CEP104: variants seen among roughly 807,000 people sequenced by gnomAD.
CEP104 encodes centrosomal protein of 104 kDa.
CEP104 carries 84 observed loss-of-function variants against 113.3 expected under a neutral mutation model. That is an observed-to-expected ratio of 0.74 (90% CI 0.62 to 0.89). The LOEUF is 0.89. Among genes scored for constraint, CEP104 ranks in the 40% least tolerant of loss-of-function variants. The pLI is 0.00. For synonymous variants in CEP104, 378 were observed against 421.7 expected (o/e 0.90, Z 1.27); for missense variants, 1,053 against 1,156.6 (o/e 0.91, Z 1.30).
intron 1 of CEP104, among the ~76,000 whole-genome samples, chr1:3,853,206 T>G (rs1477182150): frequency 6.6e-6 from 1 of 152,070 alleles, no homozygotes; most frequent in Non-Finnish European, 1.5e-5. Flanking sequence ...GCTAAATGAA[T>G]GTGTATGACC....
At chr1:3,837,063 A>T (rs1644328089) in intron 9 of CEP104, 1 of 549,918 alleles carries the variant, frequency 1.8e-6, no homozygotes, top group Non-Finnish European at 3.2e-6. Flanking sequence ...TATTGCTTAG[A>T]AATAAGCATC....
Position 3,847,565 on chromosome 1 carries a change from T to C in CEP104, c.336A>G (p.Glu112=). Residue 112 remains glutamate (E), a synonymous_variant, in exon 4 of 22, where the codon GAA becomes GAG. Transcript: ENST00000378230. ...DNEKTGCKAR[E]LKSVYVDAVG... The stretch of plus-strand genomic sequence containing the variant: ...CTGCATCCACATAAACTGATTTTAG[T>C]TCCCGGGCTTTGCAACCTGTCTTTT... 5 of 1,613,998 alleles carry C rather than the reference T, an allele frequency of 3.1e-6. 1 individual carries two copies. The South Asian group carries it at 5.5e-5, about 18-fold the overall frequency.
rs1372420896 is a variant in CEP104 at position 3,826,314 on chromosome 1, C to G, written c.2255+56G>C. Reference sequence around the variant, plus strand: ...AGGACGCATTCCCTTTCCAGGGTTTCTGTGTGGCTGGTTGCCCTGACCATC... The same window carrying G: ...AGGACGCATTCCCTTTCCAGGGTTTGTGTGTGGCTGGTTGCCCTGACCATC... On this transcript the variant is annotated intron_variant, in intron 17 of 21. Transcript: ENST00000378230. 4 of 1,486,518 alleles carry G rather than the reference C, an allele frequency of 2.7e-6. No homozygotes were observed. The African/African-American group carries it at 4.2e-5, about 15-fold the overall frequency. 92.1% of individuals were successfully genotyped at this position (1,486,518 alleles called of 1,614,324 possible).
At chr1:3,817,618 G>A (rs1338047254) in intron 20 of CEP104, among the ~76,000 whole-genome samples, 3 of 152,164 alleles carry the variant, frequency 2.0e-5, no homozygotes, top group African/African-American at 2.4e-5. Flanking sequence ...AAGCTGGGGC[G>A]CCTTCTCACC....
chr1:3,835,193 C>A, intron 10 of CEP104, 101 bp from the exon 11 acceptor site: 2 of 826,360 alleles, frequency 2.4e-6, no homozygotes, highest in Non-Finnish European at 3.5e-6. Context: ...TGATTCATTT[C>A]TAAGAACAGA....
rs34049022 is a variant in CEP104, at chr1:3,816,165, A to G, written c.2662+115T>C. ...ACATGAAGACAGGCTTGGATGCTTT[A>G]TTTTGCTTTTAAAGGGATGGGGTCT... On this transcript the variant is annotated intron_variant, in intron 21 of 21. Transcript: ENST00000378230. 0.015 allele frequency: 12,712 copies of G among 840,072 alleles called. 140 individuals are homozygous for G. The highest frequency in any genetic ancestry group is 0.018 in the South Asian group (954 of 52,766). The allele number at this position is 840,072 out of a possible 1,614,324, so 52.0% of individuals were successfully genotyped here. A position where few individuals can be genotyped will look rare whatever the true frequency, so the allele number is the denominator to read the frequency against.
intron 16 of CEP104, 86 bp from the exon 17 acceptor site, chr1:3,826,522 G>T: frequency 7.4e-7 from 1 of 1,348,662 alleles, no homozygotes; most frequent in Non-Finnish European, 1.0e-6. Context: ...GCTCTAAAAC[G>T]ATTATACAAG....
rs540797201 is a variant in CEP104, at chr1:3,852,414, C to T, written c.-7G>A. 1.2e-5 allele frequency: 19 copies of T among 1,611,894 alleles called. No homozygotes were observed. Among genetic ancestry groups the T allele is most frequent in the East Asian group, 1.1e-4 (5 of 44,842 alleles). On this transcript the variant is annotated 5_prime_UTR_variant, in exon 2 of 22. In the 5' UTR this introduces an upstream ATG that the reference lacks. Coordinates refer to ENST00000378230, the MANE Select transcript of CEP104 (RefSeq NM_014704.4). ...ATCCAATCTTGTGGGGCATTCTGCA[C>T]GTTTGGGCTGTTTATAAGAGCAGGA...
chr1:3,826,273 G>A (rs569486646), intron 17 of CEP104, 97 bp downstream of exon 17: 53 of 1,033,514 alleles, frequency 5.1e-5, no homozygotes, highest in East Asian at 3.6e-4. Context: ...TGATGACTAC[G>A]AAGGGCCAAC....
intron 21 of CEP104, 47 bp from the exon 22 acceptor site, chr1:3,815,564 ACGGACCAGG>A: frequency 1.5e-6 from 2 of 1,365,594 alleles, no homozygotes; most frequent in Non-Finnish European, 1.0e-6. Flanking sequence ...ACTCCTACCC[ACGGACCAGG>A]TGCAGAACCT....
chr1:3,854,322 G>T (rs536416746), intron 1 of CEP104, among the ~76,000 whole-genome samples: 1 of 152,200 alleles, frequency 6.6e-6, no homozygotes, highest in East Asian at 1.9e-4. Flanking sequence ...CCTAACTCCA[G>T]AGCTCTTGGT....
In CEP104 at chr1:3,830,248, T is replaced by C. The variant is rs192774445; in HGVS notation, c.1837-251A>G. ...TGTGGCTATAGTGCAATTTCATCCCTGCTGTGCGTCTCGGGGGCCCACAGT... is the reference window on the plus strand; with the variant it reads ...TGTGGCTATAGTGCAATTTCATCCCCGCTGTGCGTCTCGGGGGCCCACAGT... On this transcript the variant is annotated intron_variant, in intron 13 of 21. Transcript: ENST00000378230. Among the ~76,000 whole-genome samples the C allele has an allele frequency of 5.9e-3, 903 of 152,132 alleles. 10 individuals carry two copies. Among genetic ancestry groups the C allele is most frequent in the African/African-American group, 0.02 (841 of 41,500 alleles).
At chr1:3,855,785 C>T (rs1486897599) in intron 1 of CEP104, 4 of 504,602 alleles carry the variant, frequency 7.9e-6, no homozygotes, top group Non-Finnish European at 1.0e-5. Flanking sequence ...TGAAGGATGC[C>T]ACTTTTAGGC....
In CEP104 at chr1:3,852,294, C is replaced by T. The variant is rs1465049951; in HGVS notation, c.113+1G>A. The T allele has an allele frequency of 6.2e-7, 1 of 1,613,294 alleles. No individual in the cohort carries two copies. Among genetic ancestry groups the T allele is most frequent in the Non-Finnish European group, 8.5e-7 (1 of 1,179,826 alleles). ...CAAGCCCCGCCCCGTCCAGTCCTCA[C>T]CTAGGTGACCGCCACCCACTGACAG... On this transcript the variant is annotated splice_donor_variant, in intron 2 of 21. Transcript: ENST00000378230. LOFTEE classifies it high-confidence loss of function.
chr1:3,842,076 C>G (rs935026856), intron 6 of CEP104, among the ~76,000 whole-genome samples: 11 of 147,396 alleles, frequency 7.5e-5, no homozygotes, highest in Admixed American at 2.0e-4. Flanking sequence ...GACTGAGAAG[C>G]TGGTGTTATT....
chr1:3,823,757 C>T lies in CEP104; in HGVS notation c.2365-195G>A, dbSNP rs1328913724. ...TCACTTGTGATACTTTGCTGAAGAC[C>T]CCACGTCCTTCCTTTCCTGTCATCT... On this transcript the variant is annotated intron_variant, in intron 18 of 21. Transcript: ENST00000378230. The surrounding 1 kb of genome is among the most constrained non-coding windows in gnomAD (Gnocchi z 4.1). 6.6e-6 allele frequency among the ~76,000 whole-genome samples: 1 copy of T among 152,162 alleles called. No individual in the cohort carries two copies. The highest frequency in any genetic ancestry group is 2.4e-5 in the African/African-American group (1 of 41,428).
Position 3,817,896 on chromosome 1 carries a change from C to T in CEP104, c.2572-1526G>A, listed in dbSNP as rs558088181. Among the ~76,000 whole-genome samples the T allele has an allele frequency of 2.0e-4, 31 of 152,352 alleles. No homozygotes were observed. The East Asian group carries it at 5.2e-3, about 26-fold the overall frequency. ...CGCGAGAACGCCGTGCCCAGGCTGG[C>T]GTGCTGGGCTCAGACACAGAAAGCA... is the stretch of plus-strand genomic sequence containing the variant. On this transcript the variant is annotated intron_variant, in intron 20 of 21. Coordinates refer to ENST00000378230, the MANE Select transcript of CEP104 (RefSeq NM_014704.4).
In CEP104 at chr1:3,823,908, C is replaced by T. The variant is rs1433378746; in HGVS notation, c.2365-346G>A. ...GCCCAAGGTTGAAATTGTGGCTCCC[C>T]ACTATTTCTAAGAATGCACACAGAA... On this transcript the variant is annotated intron_variant, in intron 18 of 21. Coordinates refer to ENST00000378230, the MANE Select transcript of CEP104 (RefSeq NM_014704.4). The surrounding 1 kb of genome is among the most constrained non-coding windows in gnomAD (Gnocchi z 4.1). 4.6e-5 allele frequency among the ~76,000 whole-genome samples: 7 copies of T among 152,072 alleles called. No homozygotes were observed. Among genetic ancestry groups the T allele is most frequent in the East Asian group, 1.9e-4 (1 of 5,182 alleles).
Position 3,830,008 on chromosome 1 carries a change from G to A in CEP104, c.1837-11C>T, listed in dbSNP as rs2124656740. 1 of 1,605,466 alleles carries A rather than the reference G, an allele frequency of 6.2e-7. No homozygotes were observed. The highest frequency in any genetic ancestry group is 2.2e-5 in the East Asian group (1 of 44,812). ...GGCACTCACTGAAAACTAAAGTTGG[G>A]AGGGGCTCTTGTTACTCATTCTTAA... On this transcript the variant is annotated splice_polypyrimidine_tract_variant and intron_variant, in intron 13 of 21. Coordinates refer to ENST00000378230, the MANE Select transcript of CEP104 (RefSeq NM_014704.4).
Sources: allele counts gnomAD v4.1 joint callset (sites outside exome capture counted in the v4.1 genomes callset), GRCh38; gene constraint gnomAD v4.1.1; non-coding constraint Gnocchi (gnomAD v3.1); transcripts MANE v1.5; gene names NCBI Gene and HGNC (gene_info 2026-07-23, HGNC 2026-07-21).